The following RELN variants were observed in gnomAD, a reference collection of about 807,000 sequenced individuals.
RELN encodes the protein reelin.
A neutral mutation model predicts 427.6 loss-of-function variants in RELN; 108 were observed. That is an observed-to-expected ratio of 0.25 (90% CI 0.22 to 0.30). The LOEUF is 0.30. RELN is among the 10% of genes least tolerant of loss of function. The probability of loss-of-function intolerance (pLI) is 1.00; values close to 1 mark genes in which losing one functional copy is unlikely to be tolerated. For missense variants in RELN, 3,715 were observed against 4,302.8 expected, an observed-to-expected ratio of 0.86 and a Z score of 3.82; for synonymous variants, 1,524 against 1,513.4, an observed-to-expected ratio of 1.01 and a Z score of -0.16.
chr7:103,490,875 T>C, intron 58 of RELN, 46 bp from the exon 59 acceptor site: 3 of 1,593,878 alleles, frequency 1.9e-6, no homozygotes, highest in Non-Finnish European at 2.6e-6. Flanking sequence ...AAGAGAAACA[T>C]ATAATCTGTT....
chr7:103,941,811 G>A (rs1796120472), intron 1 of RELN, among the ~76,000 whole-genome samples: 1 of 151,994 alleles, frequency 6.6e-6, no homozygotes, highest in Non-Finnish European at 1.5e-5. Flanking sequence ...TGAGTAAACT[G>A]GTAACATTAT....
intron 2 of RELN, among the ~76,000 whole-genome samples, chr7:103,849,268 C>A (rs370290952): frequency 6.6e-6 from 1 of 151,974 alleles, no homozygotes. Context: ...TTACTTTCCC[C>A]ACTCCGGTCA....
chr7:103,950,707 C>T (rs989684548), intron 1 of RELN, among the ~76,000 whole-genome samples: 2 of 152,090 alleles, frequency 1.3e-5, no homozygotes, highest in Non-Finnish European at 2.9e-5. Flanking sequence ...TCATTTTTTA[C>T]TGAAAGACAT....
chr7:103,698,162 T>G, intron 9 of RELN, 69 bp from the exon 10 acceptor site: 1 of 1,592,662 alleles, frequency 6.3e-7, no homozygotes, highest in Non-Finnish European at 8.6e-7. Flanking sequence ...GAATTTTGTT[T>G]CTTAAGGTTG....
chr7:103,978,245 G>C (rs1295116643), intron 1 of RELN, among the ~76,000 whole-genome samples: 2 of 151,922 alleles, frequency 1.3e-5, no homozygotes, highest in Admixed American at 6.6e-5. Flanking sequence ...CTAGCACCTG[G>C]CAACTACCAT....
At chr7:103,985,788 C>T (rs925155147) in intron 1 of RELN, among the ~76,000 whole-genome samples, 8 of 152,086 alleles carry the variant, frequency 5.3e-5, no homozygotes, top group Admixed American at 5.2e-4. Context: ...AAGGAACGAC[C>T]ATGGGTGAGG....
intron 2 of RELN, among the ~76,000 whole-genome samples, chr7:103,867,355 A>G (rs1794224514): frequency 6.6e-6 from 1 of 150,992 alleles, no homozygotes; most frequent in Admixed American, 6.6e-5. Context: ...GAGAAAGATT[A>G]GTTCATTATA....
chr7:103,941,000 T>C (rs942699195), intron 1 of RELN, among the ~76,000 whole-genome samples: 1 of 152,180 alleles, frequency 6.6e-6, no homozygotes, highest in Non-Finnish European at 1.5e-5. Flanking sequence ...AAGAATGAAT[T>C]GAGGTTAGCT....
intron 58 of RELN, 58 bp downstream of exon 58, chr7:103,491,884 ACACACACACAC>A (rs1828682184): frequency 2.2e-6 from 2 of 919,076 alleles, no homozygotes; most frequent in African/African-American, 1.7e-5. Context: ...ACACACACAC[ACACACACACAC>A]AACGATTTGG....
At chr7:103,778,788 G>C (rs1477540615) in intron 3 of RELN, among the ~76,000 whole-genome samples, 1 of 152,128 alleles carries the variant, frequency 6.6e-6, no homozygotes, top group African/African-American at 2.4e-5. Flanking sequence ...GAACCTTTAA[G>C]ATCATCTGGT....
rs1425057804 is a variant in RELN at position 103,500,785 on chromosome 7, C to G, written c.8627G>C (p.Gly2876Ala). Residue 2876 changes from glycine to alanine, a missense_variant, in exon 53 of 65, where the codon GGA becomes GCA. Gly to Ala is a moderately conservative substitution (Grantham distance 60). Transcript: ENST00000428762. ...CAAGTAGCAGTTTGGCCCTGAGTAT[C>G]CCGGATCACAGATGCACTGTTCCCT... ...CLREQCICDP[G>A]YSGPNCYLTH... 2.5e-6 allele frequency: 4 copies of G among 1,613,992 alleles called. No individual in the cohort carries two copies. In the East Asian group the frequency reaches 6.7e-5, roughly 27 times the overall value.
At chr7:103,972,919 T>TGC (rs1554450658) in intron 1 of RELN, among the ~76,000 whole-genome samples, 53 of 151,870 alleles carry the variant, frequency 3.5e-4, no homozygotes, top group African/African-American at 1.0e-3. Flanking sequence ...TGTGTGTGTG[T>TGC]GCTACAAGAT....
intron 11 of RELN, among the ~76,000 whole-genome samples, chr7:103,666,057 T>A (rs975954320): frequency 3.3e-5 from 5 of 152,004 alleles, no homozygotes; most frequent in Admixed American, 6.6e-5. Flanking sequence ...TTGATTTTTT[T>A]ATTTTTTATT....
intron 2 of RELN, among the ~76,000 whole-genome samples, chr7:103,901,962 T>A (rs532279648): frequency 6.6e-6 from 1 of 152,180 alleles, no homozygotes; most frequent in Non-Finnish European, 1.5e-5. Flanking sequence ...AAGCTTTTTT[T>A]ATATTGCAGT....
intron 2 of RELN, among the ~76,000 whole-genome samples, chr7:103,867,630 G>C (rs1794230693): frequency 6.6e-6 from 1 of 151,726 alleles, no homozygotes; most frequent in Non-Finnish European, 1.5e-5. Flanking sequence ...AATTAATTTG[G>C]GAGTCAGAAT....
At position 103,688,758 on chromosome 7, in the gene RELN, A is replaced by T. The variant is rs552351976; in HGVS notation, c.1144-6497T>A. Among the ~76,000 whole-genome samples, 23 of 152,270 alleles carry T rather than the reference A, an allele frequency of 1.5e-4. No homozygotes were observed. The East Asian group carries it at 4.4e-3, about 29-fold the overall frequency. ...AGGACTGGAGACTTGCCTAGTGTCC[A>T]CTGGGACAATGAATTTGGCAAATGC... On this transcript the variant is annotated intron_variant, in intron 10 of 64. Transcript: ENST00000428762.
chr7:103,951,595 A>G (rs1796332021), intron 1 of RELN, among the ~76,000 whole-genome samples: 2 of 152,108 alleles, frequency 1.3e-5, no homozygotes, highest in South Asian at 4.1e-4. Flanking sequence ...TTTTTAAATC[A>G]AATCTTTCAA....
In RELN at chr7:103,810,069, C is replaced by A. The variant is rs1584258634; in HGVS notation, c.473+23468G>T. On this transcript the variant is annotated intron_variant, in intron 3 of 64. Transcript: ENST00000428762. ...AAATCTCTACTTTTAATAAATTCCC[C>A]ACTTTTAATTAATCTCACAATTCAG... Among the ~76,000 whole-genome samples, 6 of 152,220 alleles carry A rather than the reference C, an allele frequency of 3.9e-5. No individual in the cohort carries two copies. The East Asian group carries it at 1.2e-3, about 29-fold the overall frequency.
At chr7:103,744,342 CA>C (rs1562986384) in intron 6 of RELN, among the ~76,000 whole-genome samples, 1 of 151,728 alleles carries the variant, frequency 6.6e-6, no homozygotes, top group East Asian at 1.9e-4. Flanking sequence ...CCTAACATCA[CA>C]ATTAAAAGAA....
Sources: gnomAD v4.1 joint callset for allele counts (sites outside exome capture counted in the v4.1 genomes callset) on GRCh38, gnomAD v4.1.1 for gene constraint, MANE v1.5 for transcripts, NCBI Gene and HGNC (gene_info 2026-07-23, HGNC 2026-07-21) for gene names.